The following CLIC5 variants were observed in gnomAD, a reference collection of about 807,000 sequenced individuals.
CLIC5 encodes chloride intracellular channel protein 5.
A neutral mutation model predicts 24.7 loss-of-function variants in CLIC5; 20 were observed. That is an observed-to-expected ratio of 0.81 (90% CI 0.57 to 1.18). The LOEUF is 1.18. CLIC5 is among the 50% of genes most tolerant of loss of function. The pLI is 0.00. For missense variants in CLIC5, 341 were observed against 326.1 expected, an observed-to-expected ratio of 1.05 and a Z score of -0.35; for synonymous variants, 159 against 135.6, an observed-to-expected ratio of 1.17 and a Z score of -1.20.
In CLIC5 at chr6:45,900,560, T is replaced by C. The variant is rs558015808; in HGVS notation, c.*2528A>G. On this transcript the variant is annotated 3_prime_UTR_variant, in exon 6 of 6. Transcript: ENST00000339561. The stretch of plus-strand genomic sequence containing the variant: ...AAAAAAAAGGAAGGTAATATTAATA[T>C]TATTGTTACTTTAATATACCATAAT... The C allele has an allele frequency of 8.8e-5, 13 of 147,078 alleles. No homozygotes were observed. Among genetic ancestry groups the C allele is most frequent in the Non-Finnish European group, 1.6e-4 (11 of 67,110 alleles). The allele number at this position is 147,078 out of a possible 1,614,324, so 9.1% of individuals were successfully genotyped here. A position where few individuals can be genotyped will look rare whatever the true frequency, so the allele number is the denominator to read the frequency against.
chr6:46,074,205 A>G (rs1013472984), intron 1 of CLIC5, among the ~76,000 whole-genome samples: 2 of 152,196 alleles, frequency 1.3e-5, no homozygotes, highest in African/African-American at 4.8e-5. Context: ...TGCTCATTGT[A>G]AAATATATAA....
chr6:46,016,773 C>T (rs1021333968), upstream of CLIC5, among the ~76,000 whole-genome samples: 2 of 152,218 alleles, frequency 1.3e-5, no homozygotes, highest in Admixed American at 1.3e-4. Context: ...CCCGTCTCCA[C>T]TGTCCCAGGG....
the CLIC5 span, among the ~76,000 whole-genome samples, chr6:46,119,467 C>T: frequency 1.3e-5 from 2 of 152,208 alleles, no homozygotes; most frequent in Non-Finnish European, 2.9e-5. Context: ...TCCAACATGA[C>T]CAAATAGGAA....
intron 1 of CLIC5, among the ~76,000 whole-genome samples, chr6:45,958,002 A>G (rs1764702596): frequency 6.6e-6 from 1 of 152,042 alleles, no homozygotes; most frequent in Non-Finnish European, 1.5e-5. Flanking sequence ...TCCTAGGTTG[A>G]ATCATGTTCC....
intron 3 of CLIC5, among the ~76,000 whole-genome samples, chr6:45,942,037 G>A (rs925524585): frequency 1.3e-5 from 2 of 152,234 alleles, no homozygotes; most frequent in African/African-American, 4.8e-5. Context: ...TCCCTTACCC[G>A]CTAAAATAAC....
chr6:45,945,442 T>A (rs568870903), intron 3 of CLIC5, among the ~76,000 whole-genome samples: 7 of 152,250 alleles, frequency 4.6e-5, no homozygotes, highest in African/African-American at 1.7e-4. Flanking sequence ...AATGTCACCA[T>A]GACATTTTTT....
At chr6:45,987,189 C>T (rs1432689488) in intron 1 of CLIC5, among the ~76,000 whole-genome samples, 1 of 152,204 alleles carries the variant, frequency 6.6e-6, no homozygotes, top group East Asian at 1.9e-4. Flanking sequence ...CCTAGAGACA[C>T]TTATTAACAT....
chr6:45,897,985 A>T (rs1475018495), downstream of CLIC5, among the ~76,000 whole-genome samples: 1 of 148,888 alleles, frequency 6.7e-6, no homozygotes, highest in African/African-American at 2.5e-5. Flanking sequence ...AAAAAAAAAA[A>T]TTGGTTTTAG....
chr6:46,081,357 A>G (rs1762916337), upstream of CLIC5, among the ~76,000 whole-genome samples: 2 of 152,190 alleles, frequency 1.3e-5, no homozygotes, highest in South Asian at 4.1e-4. Flanking sequence ...ATGTCTAGAA[A>G]TCATGTGAAA....
At chr6:46,022,478 T>A (rs2127450801) in intron 1 of CLIC5, among the ~76,000 whole-genome samples, 1 of 152,314 alleles carries the variant, frequency 6.6e-6, no homozygotes, top group South Asian at 2.1e-4. Context: ...CATTATGCCC[T>A]TGTGGGAGGA....
intron 1 of CLIC5, among the ~76,000 whole-genome samples, chr6:45,983,404 T>C (rs1298538520): frequency 1.3e-5 from 2 of 152,200 alleles, no homozygotes; most frequent in Admixed American, 6.5e-5. Flanking sequence ...GTGATGTCAA[T>C]ATACAGCCCT....
intron 3 of CLIC5, among the ~76,000 whole-genome samples, chr6:45,948,131 T>A (rs1001090906): frequency 6.6e-6 from 1 of 152,196 alleles, no homozygotes; most frequent in Admixed American, 6.5e-5. Context: ...ATGAATCATA[T>A]TAGCTAAGTG....
intron 3 of CLIC5, among the ~76,000 whole-genome samples, chr6:45,944,027 T>C (rs1422448949): frequency 2.0e-5 from 3 of 152,196 alleles, no homozygotes; most frequent in African/African-American, 7.2e-5. Context: ...GTACATTCTG[T>C]TTCTCTAAAA....
At chr6:45,925,073 G>C (rs1025812355) in intron 4 of CLIC5, among the ~76,000 whole-genome samples, 1 of 152,152 alleles carries the variant, frequency 6.6e-6, no homozygotes, top group Non-Finnish European at 1.5e-5. Context: ...AACTACATTT[G>C]CCTGGAACTC....
the CLIC5 span, among the ~76,000 whole-genome samples, chr6:46,118,118 G>A: frequency 3.3e-5 from 5 of 152,154 alleles, no homozygotes; most frequent in South Asian, 1.0e-3. Flanking sequence ...CAGGCTGCAG[G>A]GATGTCTCTC....
the CLIC5 span, among the ~76,000 whole-genome samples, chr6:46,115,341 C>T: frequency 6.6e-6 from 1 of 152,160 alleles, no homozygotes; most frequent in African/African-American, 2.4e-5. Context: ...TCCCATCTCA[C>T]CAAATATATT....
At chr6:46,003,948 G>T (rs1417529592) in intron 1 of CLIC5, among the ~76,000 whole-genome samples, 3 of 152,138 alleles carry the variant, frequency 2.0e-5, no homozygotes, top group Non-Finnish European at 4.4e-5. Context: ...AAATCACCTG[G>T]TATATGAGAG....
chr6:46,023,513 G>T (rs1267399020), intron 1 of CLIC5, among the ~76,000 whole-genome samples: 1 of 152,164 alleles, frequency 6.6e-6, no homozygotes, highest in African/African-American at 2.4e-5. Context: ...ATAAGTAAAT[G>T]ACTAGTCTTG....
upstream of CLIC5, among the ~76,000 whole-genome samples, chr6:46,020,206 A>C (rs1236587717): frequency 6.6e-6 from 1 of 152,218 alleles, no homozygotes; most frequent in African/African-American, 2.4e-5. Flanking sequence ...TTACGTTAAA[A>C]TAATGAAATT....
Sources: gnomAD v4.1 joint callset for allele counts (sites outside exome capture counted in the v4.1 genomes callset) on GRCh38, gnomAD v4.1.1 for gene constraint, MANE v1.5 for transcripts, NCBI Gene and HGNC (gene_info 2026-07-23, HGNC 2026-07-21) for gene names.